UVRAG: variants seen among roughly 807,000 people sequenced by gnomAD.
UVRAG encodes UV radiation resistance-associated gene protein.
Under a neutral mutation model 78.0 loss-of-function variants are expected in UVRAG, and 19 were observed. The ratio of observed to expected loss-of-function variants is 0.24; its 90% CI spans 0.17 to 0.36. The LOEUF (loss-of-function observed/expected upper bound fraction) is 0.36, where lower values mean the gene tolerates loss of function less well. Among genes scored for constraint, UVRAG ranks in the 10% least tolerant of loss-of-function variants. The pLI, the probability that UVRAG is intolerant of heterozygous loss-of-function variation, is 1.00. For synonymous variants in UVRAG, 323 were observed against 324.6 expected, an observed-to-expected ratio of 1.00 and a Z score of 0.05; for missense variants, 740 against 853.8, an observed-to-expected ratio of 0.87 and a Z score of 1.66.
At chr11:76,069,839 C>G (rs1036088892) in intron 13 of UVRAG, among the ~76,000 whole-genome samples, 2 of 152,010 alleles carry the variant, frequency 1.3e-5, no homozygotes, top group African/African-American at 4.8e-5. Context: ...TATTTCCATC[C>G]TTAAAGTGCA....
chr11:76,118,170 G>C (rs1952218652), intron 14 of UVRAG, among the ~76,000 whole-genome samples: 1 of 152,070 alleles, frequency 6.6e-6, no homozygotes, highest in Non-Finnish European at 1.5e-5. Context: ...AGTCCTATTA[G>C]CTTACAGTTT....
At chr11:75,906,042 A>AT (rs1379388488) in intron 5 of UVRAG, among the ~76,000 whole-genome samples, 2 of 152,070 alleles carry the variant, frequency 1.3e-5, no homozygotes, top group Non-Finnish European at 2.9e-5. Context: ...CCATTTTAAA[A>AT]TTGAGTTGTC....
intron 14 of UVRAG, chr11:76,137,292 C>T (rs1424589215): frequency 8.8e-6 from 4 of 454,876 alleles, no homozygotes; most frequent in African/African-American, 2.0e-5. Flanking sequence ...AGAGGGGACT[C>T]GAAGAACCCA....
At chr11:75,976,316 A>G (rs57723633) in intron 7 of UVRAG, among the ~76,000 whole-genome samples, 16,458 of 152,104 alleles carry the variant, frequency 0.11, 2,140 homozygotes, top group African/African-American at 0.31. Context: ...AGGGATATTG[A>G]TCTAAAATTC....
At chr11:75,827,058 G>T (rs183544198) in intron 1 of UVRAG, among the ~76,000 whole-genome samples, 2 of 152,176 alleles carry the variant, frequency 1.3e-5, no homozygotes, top group African/African-American at 4.8e-5. Flanking sequence ...AAATAATGAG[G>T]AACACCAGGA....
intron 6 of UVRAG, among the ~76,000 whole-genome samples, chr11:75,954,258 G>A (rs768693224): frequency 5.3e-5 from 8 of 152,308 alleles, no homozygotes; most frequent in South Asian, 2.1e-4. Flanking sequence ...ATCAGAAAGC[G>A]TCTGGGGCAG....
chr11:75,867,880 A>T (rs563625913), intron 3 of UVRAG, among the ~76,000 whole-genome samples: 47 of 152,354 alleles, frequency 3.1e-4, no homozygotes, highest in Admixed American at 2.5e-3. Context: ...TTAGCAGCAC[A>T]TGTAGTGCTA....
chr11:76,071,281 A>G (rs964703815), intron 13 of UVRAG, among the ~76,000 whole-genome samples: 2 of 152,222 alleles, frequency 1.3e-5, no homozygotes, highest in African/African-American at 4.8e-5. Flanking sequence ...ACAAGGAACT[A>G]GCCATGCAAC....
intron 4 of UVRAG, among the ~76,000 whole-genome samples, chr11:75,886,426 C>T (rs1164583960): frequency 2.0e-5 from 3 of 152,124 alleles, no homozygotes; most frequent in Admixed American, 6.5e-5. Flanking sequence ...CCATTGTTAA[C>T]ATTTTGGTGA....
intron 7 of UVRAG, among the ~76,000 whole-genome samples, chr11:75,962,106 T>G (rs1400961132): frequency 3.3e-5 from 5 of 152,146 alleles, no homozygotes; most frequent in African/African-American, 1.2e-4. Context: ...ATTGTGTTTT[T>G]CTAAGCACAA....
At chr11:76,058,715 T>C (rs913569560) in intron 12 of UVRAG, among the ~76,000 whole-genome samples, 3 of 152,128 alleles carry the variant, frequency 2.0e-5, no homozygotes, top group African/African-American at 7.2e-5. Context: ...GAGCATGAGA[T>C]AAATGAATAT....
intron 12 of UVRAG, among the ~76,000 whole-genome samples, chr11:76,037,539 C>CA (rs61354759): frequency 0.089 from 4,307 of 48,268 alleles, 141 homozygotes; most frequent in Non-Finnish European, 0.16. Context: ...TTTGTCTTTA[C>CA]AAAAAAAAAA....
At chr11:75,973,381 C>A (rs1242572279) in intron 7 of UVRAG, among the ~76,000 whole-genome samples, 1 of 152,092 alleles carries the variant, frequency 6.6e-6, no homozygotes, top group Non-Finnish European at 1.5e-5. Flanking sequence ...CCTTGCCTAC[C>A]CGGGATAAAT....
In UVRAG at chr11:76,094,349, C is replaced by G. The variant is rs544703515; in HGVS notation, c.1306-21575C>G. Among the ~76,000 whole-genome samples, 1,042 of 152,218 alleles carry G rather than the reference C, an allele frequency of 6.8e-3. 17 individuals are homozygous for G. Among genetic ancestry groups the G allele is most frequent in the African/African-American group, 0.024 (998 of 41,548 alleles). ...TTTGTTGACTCTCTGCCAGGCTTTG[C>G]TATCAGGATGATGTTGGCCTCATAA... On this transcript the variant is annotated intron_variant, in intron 13 of 14. Coordinates refer to ENST00000356136, the MANE Select transcript of UVRAG (RefSeq NM_003369.4).
chr11:75,927,764 A>G (rs763450308), intron 6 of UVRAG, among the ~76,000 whole-genome samples: 8 of 152,208 alleles, frequency 5.3e-5, no homozygotes, highest in Non-Finnish European at 1.2e-4. Context: ...GATAGCAGGT[A>G]GGAATGAGTT....
chr11:75,981,785 C>G (rs981903002), intron 7 of UVRAG, among the ~76,000 whole-genome samples: 4 of 151,932 alleles, frequency 2.6e-5, no homozygotes, highest in African/African-American at 7.3e-5. Flanking sequence ...TTTCAGTATT[C>G]TGTTCACAGA....
At chr11:75,908,660 A>G (rs1488330494) in intron 5 of UVRAG, among the ~76,000 whole-genome samples, 1 of 134,810 alleles carries the variant, frequency 7.4e-6, no homozygotes, top group Non-Finnish European at 1.6e-5. Context: ...TTTGAGAAGG[A>G]TTGGCATTAA....
At position 75,859,102 on chromosome 11, in the gene UVRAG, T is replaced by C. The variant is rs148161186; in HGVS notation, c.236-2644T>C. Among the ~76,000 whole-genome samples the C allele has an allele frequency of 5.0e-3, 761 of 152,252 alleles. 6 individuals are homozygous for C. The highest frequency in any genetic ancestry group is 0.017 in the African/African-American group (718 of 41,568). ...TCTTTTTGAAAATTTAGGCTGGGTG[T>C]GGTGGCTCACGCCTGTAATCCCAGC... On this transcript the variant is annotated intron_variant, in intron 2 of 14. Transcript: ENST00000356136.
At chr11:76,090,502 T>A (rs1591225543) in intron 13 of UVRAG, among the ~76,000 whole-genome samples, 1 of 152,204 alleles carries the variant, frequency 6.6e-6, no homozygotes, top group African/African-American at 2.4e-5. Flanking sequence ...TCTGTCAGAA[T>A]GGCTACCTGC....
Sources: allele counts gnomAD v4.1 joint callset (sites outside exome capture counted in the v4.1 genomes callset), GRCh38; gene constraint gnomAD v4.1.1; transcripts MANE v1.5; gene names NCBI Gene and HGNC (gene_info 2026-07-23, HGNC 2026-07-21).